Variants in C2CD3 observed in about 807,000 individuals in gnomAD.
C2CD3 encodes C2 domain-containing protein 3.
In C2CD3, 148 loss-of-function variants were observed where a neutral mutation model predicts 234.0. The observed-to-expected ratio is 0.63, with a 90% CI of 0.55 to 0.72. The LOEUF (loss-of-function observed/expected upper bound fraction) is 0.72. Among genes scored for constraint, C2CD3 ranks in the 30% least tolerant of loss-of-function variants. The pLI is 0.00. For synonymous variants in C2CD3, 1,000 were observed against 1,035.4 expected (o/e 0.97, Z 0.66); for missense variants, 2,577 against 2,811.5 (o/e 0.92, Z 1.89).
At chr11:74,152,811 T>G (rs991458268) in intron 3 of C2CD3, among the ~76,000 whole-genome samples, 5 of 152,282 alleles carry the variant, frequency 3.3e-5, no homozygotes, top group Admixed American at 6.5e-5. Context: ...GGAAAAACAT[T>G]TGATAAAGTT....
chr11:74,093,831 A>G lies in C2CD3; in HGVS notation c.3329T>C (p.Phe1110Ser). 1 of 1,613,880 alleles carries G rather than the reference A, an allele frequency of 6.2e-7. No individual in the cohort carries two copies. The highest frequency in any genetic ancestry group is 8.5e-7 in the Non-Finnish European group (1 of 1,179,858). ...QGLVPGGGVQ[F>S]EIWCRYYYPN... ...CACACTGTACCTGCACCAGATTTCA[A>G]ACTGGACTCCACCTCCAGGCACGAG... is the stretch of plus-strand genomic sequence containing the variant. Residue 1110 changes from phenylalanine (F) to serine (S), a missense_variant, in exon 18 of 33, where the codon TTT (phenylalanine) becomes TCT (serine). Phe to Ser is a radical substitution (Grantham distance 155, BLOSUM62 -2). Transcript: ENST00000334126.
At chr11:74,166,804 A>T (rs1856843625) in intron 2 of C2CD3, among the ~76,000 whole-genome samples, 1 of 152,184 alleles carries the variant, frequency 6.6e-6, no homozygotes, top group South Asian at 2.1e-4. Flanking sequence ...ACTTGTACCT[A>T]CAATGTGTCA....
rs200072062 is a variant in C2CD3, at chr11:74,085,841, G to A, written c.3687C>T (p.Val1229=). The A allele has an allele frequency of 7.5e-5, 121 of 1,614,048 alleles. No homozygotes were observed. Among genetic ancestry groups the A allele is most frequent in the East Asian group, 6.5e-4 (29 of 44,860 alleles). Residue 1229 remains valine (V), a synonymous_variant, in exon 21 of 33, where the codon GTC becomes GTT. Coordinates refer to ENST00000334126, the MANE Select transcript of C2CD3 (RefSeq NM_001286577.2). The part of the protein sequence containing the change: ...REPALQFSAT[V]GVNASVTTHL... ...GAGTGGTGACAGAGGCATTGACCCC[G>A]ACTGTGGCACTAAACTGTAGAGCGG...
intron 5 of C2CD3, among the ~76,000 whole-genome samples, chr11:74,136,886 G>A (rs186318105): frequency 2.0e-5 from 3 of 151,440 alleles, no homozygotes; most frequent in East Asian, 3.9e-4. Context: ...ATCATGGCAC[G>A]TGTATACCTA....
At chr11:74,074,643 C>A (rs778099847) in intron 23 of C2CD3, 43 bp from the exon 24 acceptor site, 5 of 1,492,204 alleles carry the variant, frequency 3.4e-6, no homozygotes, top group Admixed American at 2.0e-5. Context: ...AAGCAGGAAC[C>A]AAGACCAAGC....
chr11:74,159,463 G>C (rs1349224761), intron 3 of C2CD3, among the ~76,000 whole-genome samples: 5 of 152,096 alleles, frequency 3.3e-5, no homozygotes, highest in African/African-American at 1.2e-4. Context: ...GTGGAAGACA[G>C]TGATAGTGAT....
chr11:74,163,865 G>A (rs1856633430), intron 2 of C2CD3, among the ~76,000 whole-genome samples: 1 of 152,100 alleles, frequency 6.6e-6, no homozygotes, highest in Non-Finnish European at 1.5e-5. Flanking sequence ...GAAGAATAAG[G>A]GAAATGGACT....
At chr11:74,141,824 G>A (rs1161867920) in intron 3 of C2CD3, among the ~76,000 whole-genome samples, 1 of 151,612 alleles carries the variant, frequency 6.6e-6, no homozygotes, top group Non-Finnish European at 1.5e-5. Flanking sequence ...GTGAGAACCT[G>A]TCACTACAAA....
intron 22 of C2CD3, among the ~76,000 whole-genome samples, chr11:74,084,585 C>T (rs1201362682): frequency 6.6e-6 from 1 of 152,044 alleles, no homozygotes; most frequent in Non-Finnish European, 1.5e-5. Context: ...CTGTGTTTAT[C>T]CTTTCTTCAG....
At chr11:74,140,037 GT>G (rs1301063517) in intron 3 of C2CD3, among the ~76,000 whole-genome samples, 1 of 132,686 alleles carries the variant, frequency 7.5e-6, no homozygotes, top group African/African-American at 3.0e-5. Flanking sequence ...TGTAAGGAAT[GT>G]CCCCCATTCC....
rs562139296 is a variant in C2CD3 at position 74,150,604 on chromosome 11, G to A, written c.484-10776C>T. On this transcript the variant is annotated intron_variant, in intron 3 of 32. Coordinates refer to ENST00000334126, the MANE Select transcript of C2CD3 (RefSeq NM_001286577.2). Reference sequence around the variant, plus strand: ...AACGACTACAGGTACTTATTATCCAGCTTCAACAATTATTCACATCTGGCT... The same window carrying A: ...AACGACTACAGGTACTTATTATCCAACTTCAACAATTATTCACATCTGGCT... 5.5e-3 allele frequency among the ~76,000 whole-genome samples: 812 copies of A among 148,270 alleles called. 7 individuals carry two copies. Among genetic ancestry groups the A allele is most frequent in the South Asian group, 0.011 (52 of 4,662 alleles).
chr11:74,066,518 T>C (rs1954550324), intron 24 of C2CD3, among the ~76,000 whole-genome samples: 1 of 151,966 alleles, frequency 6.6e-6, no homozygotes, highest in South Asian at 2.1e-4. Context: ...CTGACAAGCC[T>C]CTCTAGGTGC....
Position 74,085,727 on chromosome 11 carries a change from G to A in C2CD3, c.3801C>T (p.Phe1267=). ...FCPEFSHHVE[F]TCNLVTQHCS... ...AGTGCTGAGTCACCAAGTTACATGT[G>A]AACTCAACGTGATGGGAGAACTCAG... is the stretch of plus-strand genomic sequence containing the variant. The change falls in exon 21 of 33, where the codon TTC becomes TTT. Residue 1267 remains phenylalanine (F), a synonymous_variant. Transcript: ENST00000334126. The A allele has an allele frequency of 1.2e-6, 2 of 1,614,128 alleles. No individual in the cohort carries two copies. The highest frequency in any genetic ancestry group is 2.2e-5 in the East Asian group (1 of 44,866).
At chr11:74,070,991 G>A (rs1345149200) in intron 24 of C2CD3, 3 of 152,130 alleles carry the variant, frequency 2.0e-5, no homozygotes, top group African/African-American at 7.2e-5. Context: ...GCAAAAAAAT[G>A]CCCTCTGTGT....
At chr11:74,151,804 C>T (rs937870096) in intron 3 of C2CD3, among the ~76,000 whole-genome samples, 12 of 151,726 alleles carry the variant, frequency 7.9e-5, no homozygotes, top group East Asian at 1.9e-4. Context: ...ACCTTAAAAC[C>T]GCTATCATAT....
At chr11:74,047,055 A>G (rs1953411520) in intron 28 of C2CD3, among the ~76,000 whole-genome samples, 1 of 152,234 alleles carries the variant, frequency 6.6e-6, no homozygotes, top group Non-Finnish European at 1.5e-5. Context: ...TCAGAAAACT[A>G]AAGTAATTAG....
intron 28 of C2CD3, among the ~76,000 whole-genome samples, chr11:74,045,104 T>C (rs1414708262): frequency 2.6e-5 from 4 of 152,166 alleles, no homozygotes; most frequent in African/African-American, 9.7e-5. Context: ...TGTGTATGGT[T>C]TGAGGAAGGG....
intron 17 of C2CD3, among the ~76,000 whole-genome samples, chr11:74,094,281 T>C (rs1277687243): frequency 6.6e-6 from 1 of 151,554 alleles, no homozygotes; most frequent in Non-Finnish European, 1.5e-5. Context: ...ATTTCCCAAA[T>C]AAGTAATGAT....
chr11:74,167,612 G>C (rs749637021), intron 2 of C2CD3, among the ~76,000 whole-genome samples: 3 of 152,162 alleles, frequency 2.0e-5, no homozygotes, highest in Non-Finnish European at 4.4e-5. Context: ...CCAATATTCT[G>C]AGCCCAACCA....
Sources: gnomAD v4.1 joint callset for allele counts (sites outside exome capture counted in the v4.1 genomes callset) on GRCh38, gnomAD v4.1.1 for gene constraint, MANE v1.5 for transcripts, NCBI Gene and HGNC (gene_info 2026-07-23, HGNC 2026-07-21) for gene names.